Variants in GALNT10 observed in about 807,000 individuals in gnomAD.
GALNT10 encodes the protein polypeptide N-acetylgalactosaminyltransferase 10.
GALNT10 carries 41 observed loss-of-function variants against 75.0 expected under a neutral mutation model. The observed-to-expected ratio is 0.55, with a 90% confidence interval of 0.43 to 0.71. GALNT10 has a LOEUF of 0.71. Ranked by LOEUF, GALNT10 falls within the 30% of genes least tolerant of loss-of-function variation. GALNT10 has a pLI of 0.00. For missense variants in GALNT10, 727 were observed against 818.5 expected, an observed-to-expected ratio of 0.89 and a Z score of 1.36; for synonymous variants, 302 against 313.0, an observed-to-expected ratio of 0.96 and a Z score of 0.37.
At chr5:154,206,504 T>A (rs1199612922) in intron 1 of GALNT10, among the ~76,000 whole-genome samples, 1 of 152,134 alleles carries the variant, frequency 6.6e-6, no homozygotes, top group Non-Finnish European at 1.5e-5. Flanking sequence ...ATGACGAGTG[T>A]TGCAAGAGGA....
chr5:154,324,680 G>GC (rs1222462722), intron 3 of GALNT10, among the ~76,000 whole-genome samples: 4 of 151,948 alleles, frequency 2.6e-5, no homozygotes, highest in Non-Finnish European at 5.9e-5. Context: ...AAATTGCTGG[G>GC]CCCCACCCTG....
chr5:154,279,181 A>G (rs960334202), intron 1 of GALNT10, among the ~76,000 whole-genome samples: 4 of 152,072 alleles, frequency 2.6e-5, no homozygotes, highest in South Asian at 2.1e-4. Flanking sequence ...AAAGGTTTCA[A>G]TTTCTCCACC....
chr5:154,227,190 T>C (rs893516244), intron 1 of GALNT10, among the ~76,000 whole-genome samples: 1 of 152,252 alleles, frequency 6.6e-6, no homozygotes, highest in Non-Finnish European at 1.5e-5. Context: ...CTTTTATTTC[T>C]CTTGGGTAAA....
At position 154,416,797 on chromosome 5, in the gene GALNT10, A is replaced by G. The variant is rs1200676804; in HGVS notation, c.1654-17A>G. 3 of 1,603,456 alleles carry G rather than the reference A, an allele frequency of 1.9e-6. No individual in the cohort carries two copies. The highest frequency in any genetic ancestry group is 2.6e-6 in the Non-Finnish European group (3 of 1,170,524). On this transcript the variant is annotated splice_polypyrimidine_tract_variant and intron_variant, in intron 11 of 11. Transcript: ENST00000297107. The surrounding 1 kb of genome is among the most constrained non-coding windows in gnomAD (Gnocchi z 4.5). ...TGTCTCCAGTGCTGTCTGGCTTATTACCTCCATGTTTTGTAGGACAAGACC... is the reference window on the plus strand; with the variant it reads ...TGTCTCCAGTGCTGTCTGGCTTATTGCCTCCATGTTTTGTAGGACAAGACC...
intron 3 of GALNT10, among the ~76,000 whole-genome samples, chr5:154,312,690 A>T (rs554410396): frequency 5.9e-5 from 9 of 152,280 alleles, no homozygotes; most frequent in Non-Finnish European, 1.3e-4. Flanking sequence ...GTGGCAAAAA[A>T]CATCCTGGAA....
At chr5:154,337,785 T>C in intron 4 of GALNT10, 1 of 1,058,654 alleles carries the variant, frequency 9.4e-7, no homozygotes, top group East Asian at 2.4e-5. Context: ...ATGACCAAAG[T>C]TGTCATTCCC....
Position 154,298,214 on chromosome 5 carries a change from G to C in GALNT10, c.401+135G>C. On this transcript the variant is annotated intron_variant, in intron 3 of 11. Transcript: ENST00000297107. The surrounding 1 kb of genome is among the most constrained non-coding windows in gnomAD (Gnocchi z 4.1). Reference sequence around the variant, plus strand: ...CTCTTTCACAGGCATTTGTGCAAAGGTTCATGGTGTTGAGGGGTAGGAGAT... The same window carrying C: ...CTCTTTCACAGGCATTTGTGCAAAGCTTCATGGTGTTGAGGGGTAGGAGAT... 1.3e-6 allele frequency: 1 copy of C among 789,224 alleles called. No individual in the cohort carries two copies. Among genetic ancestry groups the C allele is most frequent in the Non-Finnish European group, 2.1e-6 (1 of 475,694 alleles). 48.9% of individuals were successfully genotyped at this position (789,224 alleles called of 1,614,324 possible). A position where few individuals can be genotyped will look rare whatever the true frequency, so the allele number is the denominator to read the frequency against.
At chr5:154,253,480 T>C (rs376396549) in intron 1 of GALNT10, among the ~76,000 whole-genome samples, 22 of 151,924 alleles carry the variant, frequency 1.4e-4, no homozygotes, top group East Asian at 5.8e-4. Context: ...CAACATGGCA[T>C]ATGTAACAAA....
rs561955927 is a variant in GALNT10, at chr5:154,204,068, G to A, written c.159+13043G>A. 2.6e-5 allele frequency among the ~76,000 whole-genome samples: 4 copies of A among 152,338 alleles called. No homozygotes were observed. The East Asian group carries it at 7.7e-4, about 29-fold the overall frequency. On this transcript the variant is annotated intron_variant, in intron 1 of 11. Transcript: ENST00000297107. Reference sequence around the variant, plus strand: ...GCTGACCCCTTTCTAGTCTTTTCATGATGAAAGAGCCCTGGGTTTTGAGGC... The same window carrying A: ...GCTGACCCCTTTCTAGTCTTTTCATAATGAAAGAGCCCTGGGTTTTGAGGC...
At chr5:154,399,491 C>A (rs1179674801) in intron 7 of GALNT10, among the ~76,000 whole-genome samples, 2 of 152,256 alleles carry the variant, frequency 1.3e-5, no homozygotes, top group African/African-American at 4.8e-5. Context: ...GGATCCAGCC[C>A]GAAAGAGATG....
At chr5:154,216,238 GTAA>G (rs1415336060) in intron 1 of GALNT10, among the ~76,000 whole-genome samples, 1 of 151,944 alleles carries the variant, frequency 6.6e-6, no homozygotes, top group East Asian at 1.9e-4. Context: ...TTTTAAAGTT[GTAA>G]TAATAATAAT....
rs1755216430 is a variant in GALNT10 at position 154,352,282 on chromosome 5, T to G, written c.568+22544T>G. ...CCAGCTACTCTTCCACACCCCAAAC[T>G]CAACACGGCCCACTGGTGGGAATAA... On this transcript the variant is annotated intron_variant, in intron 4 of 11. Coordinates refer to ENST00000297107, the MANE Select transcript of GALNT10 (RefSeq NM_198321.4). The surrounding 1 kb of genome is among the most constrained non-coding windows in gnomAD (Gnocchi z 4.4). Among the ~76,000 whole-genome samples the G allele has an allele frequency of 1.3e-5, 2 of 152,062 alleles. No individual in the cohort carries two copies. Among genetic ancestry groups the G allele is most frequent in the African/African-American group, 4.8e-5 (2 of 41,410 alleles).
chr5:154,225,113 GAC>G, intron 1 of GALNT10, among the ~76,000 whole-genome samples: 1 of 149,456 alleles, frequency 6.7e-6, no homozygotes, highest in East Asian at 2.0e-4. Context: ...TTTTTTTTTA[GAC>G]AGAGTCTTGC....
chr5:154,288,193 T>G (rs1415536218), intron 1 of GALNT10, among the ~76,000 whole-genome samples: 1 of 152,188 alleles, frequency 6.6e-6, no homozygotes, highest in African/African-American at 2.4e-5. Context: ...CATTGCTGTT[T>G]GAGCGCATAC....
In GALNT10 at chr5:154,396,354, G is replaced by A. The variant is rs368833359; in HGVS notation, c.1057-7750G>A. On this transcript the variant is annotated intron_variant, in intron 7 of 11. Coordinates refer to ENST00000297107, the MANE Select transcript of GALNT10 (RefSeq NM_198321.4). ...GCAGCATCCACATAGGGAGTCCAGC[G>A]GGTATGGAGAGGGTAGGAGGTGATA... Among the ~76,000 whole-genome samples the A allele has an allele frequency of 6.6e-5, 10 of 152,348 alleles. No individual in the cohort carries two copies. The East Asian group carries it at 1.5e-3, about 23-fold the overall frequency.
chr5:154,217,320 T>C (rs1172822407), intron 1 of GALNT10, among the ~76,000 whole-genome samples: 1 of 152,152 alleles, frequency 6.6e-6, no homozygotes, highest in Admixed American at 6.5e-5. Flanking sequence ...CCAGGATCTG[T>C]GTGTTCCATG....
chr5:154,376,400 A>G lies in GALNT10; in HGVS notation c.692A>G (p.Asp231Gly). Residue 231 changes from aspartate to glycine, a missense_variant, in exon 5 of 12, where the codon GAT (aspartate) becomes GGT (glycine). Asp to Gly is a moderately conservative substitution (Grantham distance 94). Coordinates refer to ENST00000297107, the MANE Select transcript of GALNT10 (RefSeq NM_198321.4). The surrounding 1 kb of genome is among the most constrained non-coding windows in gnomAD (Gnocchi z 4.1). ...CTGGGGGCCTCAGTGGCAACTGGGG[A>G]TGTCATCACATTCTTGGATTCACAC... ...RMLGASVATG[D>G]VITFLDSHCE... The G allele has an allele frequency of 6.2e-7, 1 of 1,605,424 alleles. No individual in the cohort carries two copies. Among genetic ancestry groups the G allele is most frequent in the Non-Finnish European group, 8.5e-7 (1 of 1,176,970 alleles).
intron 3 of GALNT10, among the ~76,000 whole-genome samples, chr5:154,323,544 T>C (rs1490689991): frequency 6.6e-6 from 1 of 152,096 alleles, no homozygotes; most frequent in Non-Finnish European, 1.5e-5. Flanking sequence ...GAGGCAACCT[T>C]CAAGCTAAGA....
chr5:154,383,184 G>A (rs774878715), intron 6 of GALNT10, among the ~76,000 whole-genome samples: 1 of 151,994 alleles, frequency 6.6e-6, no homozygotes, highest in Non-Finnish European at 1.5e-5. Context: ...CTTTTTACTT[G>A]GACAGAACCC....
Sources: gnomAD v4.1 joint callset for allele counts (sites outside exome capture counted in the v4.1 genomes callset) on GRCh38, gnomAD v4.1.1 for gene constraint, Gnocchi (gnomAD v3.1) non-coding constraint, MANE v1.5 for transcripts, NCBI Gene and HGNC (gene_info 2026-07-23, HGNC 2026-07-21) for gene names.